The following PHC2 variants were observed in gnomAD, a reference collection of about 807,000 sequenced individuals.
PHC2 encodes the protein polyhomeotic-like protein 2.
In PHC2, 29 loss-of-function variants were observed where a neutral mutation model predicts 87.4. That is an observed-to-expected ratio of 0.33 (90% CI 0.25 to 0.45). PHC2 has a LOEUF of 0.45. Among genes scored for constraint, PHC2 ranks in the 20% least tolerant of loss-of-function variants. The probability of loss-of-function intolerance (pLI) is 1.00; values close to 1 mark genes in which losing one functional copy is unlikely to be tolerated. For missense variants in PHC2, 857 were observed against 1,136.7 expected, an observed-to-expected ratio of 0.75 and a Z score of 3.54; for synonymous variants, 438 against 461.7, an observed-to-expected ratio of 0.95 and a Z score of 0.66.
At chr1:33,407,756 A>C (rs1227480304) in intron 1 of PHC2, among the ~76,000 whole-genome samples, 1 of 152,232 alleles carries the variant, frequency 6.6e-6, no homozygotes, top group East Asian at 1.9e-4. Context: ...CATTATTCTA[A>C]GAGATAGTAT....
At chr1:33,373,587 GAAC>G in intron 2 of PHC2, among the ~76,000 whole-genome samples, 1 of 152,198 alleles carries the variant, frequency 6.6e-6, no homozygotes, top group Admixed American at 6.5e-5. Context: ...CAGGAACAAA[GAAC>G]AGCGAGTGCC....
intron 1 of PHC2, among the ~76,000 whole-genome samples, chr1:33,402,624 T>C (rs971000077): frequency 6.6e-6 from 1 of 152,060 alleles, no homozygotes; most frequent in Non-Finnish European, 1.5e-5. Flanking sequence ...ACAGTGAAAA[T>C]GACATACAAT....
At chr1:33,408,819 A>G (rs1337460463) in intron 1 of PHC2, among the ~76,000 whole-genome samples, 1 of 152,142 alleles carries the variant, frequency 6.6e-6, no homozygotes, top group Non-Finnish European at 1.5e-5. Context: ...ACCTGGGACA[A>G]AAAGATAAAA....
At chr1:33,408,908 C>CA (rs2148388848) in intron 1 of PHC2, among the ~76,000 whole-genome samples, 1 of 152,316 alleles carries the variant, frequency 6.6e-6, no homozygotes, top group East Asian at 1.9e-4. Context: ...AGGAATTCAT[C>CA]TCTTTCCCCA....
intron 1 of PHC2, among the ~76,000 whole-genome samples, chr1:33,418,958 T>C (rs1650317946): frequency 6.6e-6 from 1 of 152,232 alleles, no homozygotes; most frequent in African/African-American, 2.4e-5. Context: ...TAGTGTTTAA[T>C]AGCATGGCCT....
intron 7 of PHC2, among the ~76,000 whole-genome samples, chr1:33,356,277 GTA>G (rs1233308932): frequency 0.029 from 2,022 of 70,134 alleles, 61 homozygotes; most frequent in African/African-American, 0.079. Flanking sequence ...ATATATATAT[GTA>G]TATATATATA....
At position 33,349,581 on chromosome 1, in the gene PHC2, C is replaced by G; in HGVS notation, c.1558+4820G>C. ...CTCCCTACTGGCGAGAACCCCTCCC[C>G]CGCCCCGGCACTGACCTGTCCAGGG... is the stretch of plus-strand genomic sequence containing the variant. On this transcript the variant is annotated intron_variant, in intron 9 of 14. Transcript: ENST00000683057. This position sits in a 1 kb window ranked among gnomAD's most constrained non-coding sequence, Gnocchi z 4.2. 2 of 983,580 alleles carry G rather than the reference C, an allele frequency of 2.0e-6. No individual in the cohort carries two copies. The highest frequency in any genetic ancestry group is 2.4e-6 in the Non-Finnish European group (2 of 828,762). The allele number at this position is 983,580 out of a possible 1,614,324, so 60.9% of individuals were successfully genotyped here. A position where few individuals can be genotyped will look rare whatever the true frequency, so the allele number is the denominator to read the frequency against.
intron 9 of PHC2, among the ~76,000 whole-genome samples, chr1:33,348,392 G>C (rs1646885324): frequency 6.6e-6 from 1 of 152,204 alleles, no homozygotes; most frequent in South Asian, 2.1e-4. Context: ...TCCAACATTT[G>C]GGTTGACTCA....
intron 1 of PHC2, among the ~76,000 whole-genome samples, chr1:33,376,255 G>A (rs1406111371): frequency 1.3e-5 from 2 of 152,138 alleles, no homozygotes; most frequent in Admixed American, 6.5e-5. Flanking sequence ...GGCTGGTCTC[G>A]AACTCCTGCC....
intron 14 of PHC2, 22 bp downstream of exon 14, chr1:33,328,848 A>G: frequency 1.3e-6 from 2 of 1,588,064 alleles, no homozygotes; most frequent in Non-Finnish European, 1.7e-6. Context: ...CCGGGGAGAC[A>G]TGGAATTTCC....
At chr1:33,338,347 A>G (rs566366355) in intron 9 of PHC2, among the ~76,000 whole-genome samples, 7 of 152,362 alleles carry the variant, frequency 4.6e-5, no homozygotes, top group African/African-American at 1.7e-4. Flanking sequence ...GCACCACATT[A>G]GAAACTACCA....
chr1:33,365,593 CCTCA>C (rs1172799861), intron 7 of PHC2, among the ~76,000 whole-genome samples: 10 of 152,198 alleles, frequency 6.6e-5, no homozygotes, highest in Non-Finnish European at 1.5e-4. Context: ...CCCTTCTGAG[CCTCA>C]CTTTCTTTTT....
In PHC2 at chr1:33,328,929, G is replaced by C. The variant is rs373640921; in HGVS notation, c.2366C>G (p.Pro789Arg). 1 of 1,613,998 alleles carries C rather than the reference G, an allele frequency of 6.2e-7. No individual in the cohort carries two copies. The highest frequency in any genetic ancestry group is 1.1e-5 in the South Asian group (1 of 91,084). Residue 789 changes from proline (P) to arginine (R), a missense_variant, in exon 14 of 15, where the codon CCA becomes CGA. Coordinates refer to ENST00000683057, the MANE Select transcript of PHC2 (RefSeq NM_001385109.1). ...TACATTCCACTTGGTGGGCTCACTT[G>C]GCAGGAAGTGGTGTCCCATGCCCAC... is the stretch of plus-strand genomic sequence containing the variant. ...DLVGMGHHFL[P>R]SEPTKWNVED... is the part of the protein sequence containing the mutation.
intron 1 of PHC2, among the ~76,000 whole-genome samples, chr1:33,377,134 C>T (rs10798943): frequency 0.72 from 109,108 of 152,138 alleles, 39,899 homozygotes; most frequent in African/African-American, 0.86. Flanking sequence ...ACTTTCTAGC[C>T]AGGAAATCCT....
At chr1:33,410,430 G>A (rs1649937618) in intron 1 of PHC2, among the ~76,000 whole-genome samples, 1 of 152,194 alleles carries the variant, frequency 6.6e-6, no homozygotes, top group South Asian at 2.1e-4. Context: ...GCTGCTTCTC[G>A]AAGCTGAAAA....
At chr1:33,357,933 G>T (rs1011869275) in intron 7 of PHC2, among the ~76,000 whole-genome samples, 4 of 152,194 alleles carry the variant, frequency 2.6e-5, no homozygotes, top group Admixed American at 2.6e-4. Context: ...AGCTGGAGAT[G>T]GTTCCAGGTC....
At chr1:33,405,006 T>C (rs1450377918) in intron 1 of PHC2, among the ~76,000 whole-genome samples, 4 of 152,168 alleles carry the variant, frequency 2.6e-5, no homozygotes, top group Non-Finnish European at 5.9e-5. Flanking sequence ...GATGAATGTA[T>C]GAATTAGATG....
rs544427751 is a variant in PHC2, at chr1:33,380,890, T to C, written c.-54-5297A>G. ...TCATTTTCCACACTTGCACTCTCTC[T>C]GGTCTCAGCATTATGACCAAGGTGC... is the stretch of plus-strand genomic sequence containing the variant. On this transcript the variant is annotated intron_variant, in intron 1 of 14. Coordinates refer to ENST00000683057, the MANE Select transcript of PHC2 (RefSeq NM_001385109.1). Among the ~76,000 whole-genome samples the C allele has an allele frequency of 1.2e-4, 18 of 152,352 alleles. No homozygotes were observed. In the South Asian group the frequency reaches 3.3e-3, roughly 28 times the overall value.
chr1:33,394,622 T>G (rs1649221125), intron 1 of PHC2, among the ~76,000 whole-genome samples: 1 of 152,214 alleles, frequency 6.6e-6, no homozygotes, highest in Non-Finnish European at 1.5e-5. Flanking sequence ...TGGAGTACAG[T>G]GGTACAACTG....
Sources: gnomAD v4.1 joint callset for allele counts (sites outside exome capture counted in the v4.1 genomes callset) on GRCh38, gnomAD v4.1.1 for gene constraint, Gnocchi (gnomAD v3.1) non-coding constraint, MANE v1.5 for transcripts, NCBI Gene and HGNC (gene_info 2026-07-23, HGNC 2026-07-21) for gene names.